Variants in CREB5 observed in about 807,000 individuals in gnomAD.
CREB5 encodes the protein cyclic AMP-responsive element-binding protein 5.
Under a neutral mutation model 57.1 loss-of-function variants are expected in CREB5, and 19 were observed. That is an observed-to-expected ratio of 0.33 (90% confidence interval 0.23 to 0.49). CREB5 has a LOEUF of 0.49. CREB5 is among the 20% of genes least tolerant of loss of function. The pLI is 0.99. For missense variants in CREB5, 579 were observed against 671.6 expected (o/e 0.86, Z 1.52); for synonymous variants, 238 against 238.3 (o/e 1.00, Z 0.01).
At chr7:28,308,569 C>T (rs530968134) in intron 1 of CREB5, among the ~76,000 whole-genome samples, 1 of 152,258 alleles carries the variant, frequency 6.6e-6, no homozygotes, top group African/African-American at 2.4e-5. Flanking sequence ...ACCCAGGCTG[C>T]CTGGTTCCGG....
intron 5 of CREB5, chr7:28,615,488 T>C: frequency 6.6e-6 from 1 of 152,380 alleles, no homozygotes; most frequent in South Asian, 2.1e-4. Context: ...AGACAGGTGA[T>C]GGAGAGCTCA....
chr7:28,752,176 CT>C (rs1157943762), intron 7 of CREB5, among the ~76,000 whole-genome samples: 4 of 151,882 alleles, frequency 2.6e-5, no homozygotes. Context: ...GTAATTTTTT[CT>C]TTTTTTGGAA....
chr7:28,372,401 A>G (rs1175512108), intron 1 of CREB5, among the ~76,000 whole-genome samples: 1 of 152,244 alleles, frequency 6.6e-6, no homozygotes, highest in Non-Finnish European at 1.5e-5. Context: ...GGAGACAAAG[A>G]GTCCAAAATA....
At chr7:28,364,578 G>T (rs1242764314) in intron 1 of CREB5, among the ~76,000 whole-genome samples, 6 of 152,064 alleles carry the variant, frequency 3.9e-5, no homozygotes, top group African/African-American at 4.8e-5. Flanking sequence ...CCTCCATCAT[G>T]CTCCAGACCC....
intron 7 of CREB5, among the ~76,000 whole-genome samples, chr7:28,736,824 C>CTCT (rs1554293490): frequency 0.12 from 15,776 of 134,662 alleles, 1,169 homozygotes; most frequent in Non-Finnish European, 0.16. Context: ...CTCTCTCTCT[C>CTCT]TTTTTTTTTT....
At chr7:28,614,210 C>A (rs918469048) in intron 5 of CREB5, among the ~76,000 whole-genome samples, 8 of 152,186 alleles carry the variant, frequency 5.3e-5, no homozygotes, top group Non-Finnish European at 1.0e-4. Flanking sequence ...CTGTCCTTCT[C>A]GGCCCCCTGA....
chr7:28,663,160 G>T (rs1333627666), intron 5 of CREB5, among the ~76,000 whole-genome samples: 1 of 149,676 alleles, frequency 6.7e-6, no homozygotes, highest in East Asian at 2.0e-4. Context: ...AAAAAAGAAA[G>T]ATCGAAATGT....
intron 7 of CREB5, among the ~76,000 whole-genome samples, chr7:28,794,738 GCACACA>G (rs150983811): frequency 1.3e-5 from 2 of 149,240 alleles, no homozygotes; most frequent in East Asian, 1.9e-4. Flanking sequence ...GTGCATACCT[GCACACA>G]CACACACACA....
chr7:28,657,738 AG>A (rs549915853), intron 5 of CREB5, among the ~76,000 whole-genome samples: 2 of 139,870 alleles, frequency 1.4e-5, no homozygotes, highest in Non-Finnish European at 3.1e-5. Flanking sequence ...AAAAAAAAAA[AG>A]AATAAAATTG....
intron 2 of CREB5, among the ~76,000 whole-genome samples, chr7:28,488,958 C>A (rs970666567): frequency 1.3e-5 from 2 of 152,206 alleles, no homozygotes; most frequent in African/African-American, 4.8e-5. Context: ...GAATCTATCT[C>A]TTTGAAAGAA....
At chr7:28,769,393 T>G (rs35161184) in intron 7 of CREB5, among the ~76,000 whole-genome samples, 63,461 of 152,134 alleles carry the variant, frequency 0.42, 13,725 homozygotes, top group East Asian at 0.77. Context: ...AGAGATATGC[T>G]AATTATCCTG....
intron 1 of CREB5, among the ~76,000 whole-genome samples, chr7:28,345,209 A>C (rs1207558840): frequency 6.6e-6 from 1 of 152,046 alleles, no homozygotes. Context: ...CAGAATATAC[A>C]TTCTTCTCTA....
At chr7:28,653,123 G>A (rs148891087) in intron 5 of CREB5, among the ~76,000 whole-genome samples, 1 of 152,090 alleles carries the variant, frequency 6.6e-6, no homozygotes, top group Admixed American at 6.6e-5. Flanking sequence ...CATGTAAAGC[G>A]TAACATCAAA....
At chr7:28,484,985 G>A (rs956927787) in intron 1 of CREB5, among the ~76,000 whole-genome samples, 1 of 152,182 alleles carries the variant, frequency 6.6e-6, no homozygotes, top group African/African-American at 2.4e-5. Flanking sequence ...ATATGCAAAT[G>A]CAGCCATTAA....
chr7:28,482,830 T>A (rs1791388086), intron 1 of CREB5, among the ~76,000 whole-genome samples: 2 of 152,248 alleles, frequency 1.3e-5, no homozygotes. Flanking sequence ...AGGTTTGAAG[T>A]TCCCATAACT....
At chr7:28,454,945 T>G (rs1432726501) in intron 1 of CREB5, among the ~76,000 whole-genome samples, 1 of 152,152 alleles carries the variant, frequency 6.6e-6, no homozygotes, top group African/African-American at 2.4e-5. Flanking sequence ...GCACACCACC[T>G]CATTTGTCCT....
chr7:28,371,840 CG>C (rs79933741), intron 1 of CREB5, among the ~76,000 whole-genome samples: 123,549 of 152,082 alleles, frequency 0.81, 50,417 homozygotes, highest in East Asian at 1. Flanking sequence ...GCCACCTGAG[CG>C]CTTGTGACTG....
intron 3 of CREB5, among the ~76,000 whole-genome samples, chr7:28,502,736 A>C (rs1027225836): frequency 3.9e-5 from 6 of 152,222 alleles, no homozygotes; most frequent in African/African-American, 1.2e-4. Context: ...TATCAGACCA[A>C]TAGGAAAGAA....
intron 7 of CREB5, among the ~76,000 whole-genome samples, chr7:28,778,535 A>C (rs1323727100): frequency 6.6e-6 from 1 of 152,214 alleles, no homozygotes; most frequent in African/African-American, 2.4e-5. Context: ...TTTTTCAACA[A>C]ATCTACTTAC....
Sources: allele counts gnomAD v4.1 joint callset (sites outside exome capture counted in the v4.1 genomes callset), GRCh38; gene constraint gnomAD v4.1.1; transcripts MANE v1.5; gene names NCBI Gene and HGNC (gene_info 2026-07-23, HGNC 2026-07-21).